The following ADGRB1 variants were observed in gnomAD, a reference collection of about 807,000 sequenced individuals.
ADGRB1 encodes the protein brain-specific angiogenesis inhibitor 1.
In ADGRB1, 36 loss-of-function variants were observed where a neutral mutation model predicts 175.7. That is an observed-to-expected ratio of 0.20 (90% CI 0.16 to 0.27). The LOEUF is 0.27. Ranked by LOEUF, ADGRB1 falls within the 10% of genes least tolerant of loss-of-function variation. The pLI is 1.00. For missense variants in ADGRB1, 1,731 were observed against 2,255.3 expected, an observed-to-expected ratio of 0.77 and a Z score of 4.71; for synonymous variants, 1,054 against 979.4, an observed-to-expected ratio of 1.08 and a Z score of -1.42.
Position 142,449,953 on chromosome 8 carries a change from CCCAGAGCGGGCCGGG to C in ADGRB1, c.-370_-356del, listed in dbSNP as rs1285372921. 6.7e-6 allele frequency: 1 copy of C among 148,192 alleles called. No individual in the cohort carries two copies. The highest frequency in any genetic ancestry group is 2.5e-5 in the African/African-American group (1 of 40,584). The allele number at this position is 148,192 out of a possible 1,614,324, so 9.2% of individuals were successfully genotyped here. ...CTCTCCAGGGGGCGTCCCGGCGAGG[CCCAGAGCGGGCCGGG>C]GGCGGCGGCGGCTGGAGGAGCCCCC... On this transcript the variant is annotated 5_prime_UTR_variant, in exon 1 of 31. Coordinates refer to ENST00000517894, the MANE Select transcript of ADGRB1 (RefSeq NM_001702.3).
At chr8:142,534,800 C>T (rs749845909) in intron 25 of ADGRB1, among the ~76,000 whole-genome samples, 2 of 152,216 alleles carry the variant, frequency 1.3e-5, no homozygotes, top group African/African-American at 2.4e-5. Context: ...TGGGAGAAGC[C>T]GCTCACCCTG....
chr8:142,475,453 C>T, intron 2 of ADGRB1, 21 bp from the exon 3 acceptor site: 3 of 1,285,300 alleles, frequency 2.3e-6, no homozygotes, highest in Non-Finnish European at 3.0e-6. Flanking sequence ...CCCTGATCCC[C>T]GCCCTCTGGT....
chr8:142,501,116 T>C (rs1445680546), intron 17 of ADGRB1, among the ~76,000 whole-genome samples: 3 of 152,154 alleles, frequency 2.0e-5, no homozygotes, highest in African/African-American at 4.8e-5. Context: ...GATGGCAGTG[T>C]TGGAGACGAG....
At chr8:142,479,579 G>T (rs1841216382) in intron 8 of ADGRB1, 92 bp downstream of exon 8, 2 of 1,525,876 alleles carry the variant, frequency 1.3e-6, no homozygotes, top group Non-Finnish European at 1.8e-6. Flanking sequence ...GGTGTGTTGG[G>T]GGCTCCCGTC....
intron 2 of ADGRB1, among the ~76,000 whole-genome samples, chr8:142,469,164 T>A (rs796108245): frequency 6.6e-5 from 9 of 137,214 alleles, no homozygotes; most frequent in East Asian, 2.3e-4. Context: ...TGCATGTGTG[T>A]GTGTGTGCAT....
In ADGRB1 at chr8:142,542,540, C is replaced by G; in HGVS notation, c.4306C>G (p.Pro1436Ala). 1 of 1,505,594 alleles carries G rather than the reference C, an allele frequency of 6.6e-7. No homozygotes were observed. Among genetic ancestry groups the G allele is most frequent in the Non-Finnish European group, 8.9e-7 (1 of 1,127,096 alleles). The allele number at this position is 1,505,594 out of a possible 1,614,324, so 93.3% of individuals were successfully genotyped here. A position where few individuals can be genotyped will look rare whatever the true frequency, so the allele number is the denominator to read the frequency against. Residue 1436 changes from proline to alanine, a missense_variant, in exon 28 of 31, where the codon CCC becomes GCC. By Grantham distance (27) the Pro-to-Ala change is conservative. Around this residue, in one of 8 missense-constraint regions of ADGRB1, gnomAD observed 394 missense variants for 410.2 expected, o/e 0.96. Coordinates refer to ENST00000517894, the MANE Select transcript of ADGRB1 (RefSeq NM_001702.3). The surrounding 1 kb of genome is among the most constrained non-coding windows in gnomAD (Gnocchi z 6.3). ...LPPPPNLEPAPPSLGDPGEPA... is the reference protein window; with the variant it reads ...LPPPPNLEPAAPSLGDPGEPA... ...CCCACCGCCCAATCTGGAGCCGGCA[C>G]CCCCCAGCCTGGGGGATCCCGGGGA... is the stretch of plus-strand genomic sequence containing the variant.
chr8:142,498,123 G>A (rs576843516), intron 17 of ADGRB1, among the ~76,000 whole-genome samples: 7 of 152,198 alleles, frequency 4.6e-5, no homozygotes, highest in Non-Finnish European at 2.9e-5. Flanking sequence ...TCTTCTCCAC[G>A]TGCTCCAGGC....
intron 1 of ADGRB1, among the ~76,000 whole-genome samples, chr8:142,460,083 G>A (rs1022755905): frequency 1.3e-5 from 2 of 152,262 alleles, no homozygotes; most frequent in East Asian, 3.9e-4. Flanking sequence ...GCGTGGGGGG[G>A]ACAGGAGCCT....
intron 16 of ADGRB1, among the ~76,000 whole-genome samples, chr8:142,489,883 C>T (rs2131879497): frequency 6.6e-6 from 1 of 152,344 alleles, no homozygotes; most frequent in African/African-American, 2.4e-5. Flanking sequence ...CCCCCCAGAA[C>T]TCCCTGGCGG....
intron 14 of ADGRB1, 102 bp from the exon 15 acceptor site, chr8:142,488,933 T>G (rs1841843576): frequency 1.4e-6 from 2 of 1,382,228 alleles, no homozygotes; most frequent in Non-Finnish European, 2.0e-6. Flanking sequence ...ACCTTGAAGA[T>G]GGGCGGCAGA....
chr8:142,510,916 T>TACC lies in ADGRB1; in HGVS notation c.2676-16_2676-15insACC. 1.0e-6 allele frequency: 1 copy of TACC among 969,736 alleles called. No homozygotes were observed. Among genetic ancestry groups the TACC allele is most frequent in the Non-Finnish European group, 1.3e-6 (1 of 789,296 alleles). The allele number at this position is 969,736 out of a possible 1,614,324, so 60.1% of individuals were successfully genotyped here. On this transcript the variant is annotated splice_polypyrimidine_tract_variant and intron_variant, in intron 17 of 30. Transcript: ENST00000517894. The surrounding 1 kb of genome is among the most constrained non-coding windows in gnomAD (Gnocchi z 6.3). Reference sequence around the variant, plus strand: ...ACGCTCCGCCTGTCTCCCTCCCGTGTCCCGCCCGCCCCCAGACCCTCCTCC... The same window carrying TACC: ...ACGCTCCGCCTGTCTCCCTCCCGTGTACCCCCGCCCGCCCCCAGACCCTCCTCC...
At chr8:142,469,869 G>C (rs983384293) in intron 2 of ADGRB1, among the ~76,000 whole-genome samples, 2 of 152,236 alleles carry the variant, frequency 1.3e-5, no homozygotes, top group Non-Finnish European at 2.9e-5. Flanking sequence ...CAGCTGAGCA[G>C]AGGCAGAGTT....
At chr8:142,454,813 G>C (rs1288596390) in intron 1 of ADGRB1, among the ~76,000 whole-genome samples, 1 of 151,920 alleles carries the variant, frequency 6.6e-6, no homozygotes, top group Middle Eastern at 3.2e-3. Context: ...ACTCATTTCT[G>C]TTAATTGAGG....
chr8:142,518,349 C>A, intron 19 of ADGRB1, 108 bp downstream of exon 19: 1 of 1,147,826 alleles, frequency 8.7e-7, no homozygotes, highest in Non-Finnish European at 1.3e-6. Flanking sequence ...CTCCATTTGT[C>A]CTCACGTTCC....
intron 21 of ADGRB1, 97 bp downstream of exon 21, chr8:142,522,212 A>C (rs988431575): frequency 1.3e-6 from 2 of 1,483,924 alleles, no homozygotes; most frequent in African/African-American, 2.8e-5. Flanking sequence ...TCCCCTGTGG[A>C]CCCCTGGGGC....
intron 7 of ADGRB1, 153 bp from the exon 8 acceptor site, chr8:142,479,170 C>T: frequency 1.2e-6 from 1 of 850,076 alleles, no homozygotes; most frequent in Non-Finnish European, 1.6e-6. Context: ...CTGAATTTCC[C>T]TTCTTTGACC....
rs1415540602 is a variant in ADGRB1, at chr8:142,464,678, C to G, written c.480C>G (p.Ala160=). The change falls in exon 2 of 31, where the codon GCC becomes GCG. Residue 160 remains alanine (A), a synonymous_variant. Transcript: ENST00000517894. ...PPQHDGLRPR[A]GPPGPTDDFS... is the part of the protein sequence containing the mutation. ...AGCACGACGGGCTCCGGCCCCGGGC[C>G]GGGCCGCCGGGCCCCACCGACGACT... 6 of 1,524,696 alleles carry G rather than the reference C, an allele frequency of 3.9e-6. No homozygotes were observed. The East Asian group carries it at 1.0e-4, about 26-fold the overall frequency. 94.4% of individuals were successfully genotyped at this position (1,524,696 alleles called of 1,614,324 possible).
At chr8:142,535,550 G>A (rs923458430) in intron 25 of ADGRB1, among the ~76,000 whole-genome samples, 7 of 152,202 alleles carry the variant, frequency 4.6e-5, no homozygotes, top group Non-Finnish European at 8.8e-5. Context: ...GGCCAGGGCT[G>A]CAGAGCATGC....
At chr8:142,528,573 G>A (rs910678309) in intron 24 of ADGRB1, among the ~76,000 whole-genome samples, 1 of 151,852 alleles carries the variant, frequency 6.6e-6, no homozygotes, top group African/African-American at 2.4e-5. Flanking sequence ...CCTCGGGCGC[G>A]CCCTCAAGTG....
Sources: allele counts gnomAD v4.1 joint callset (sites outside exome capture counted in the v4.1 genomes callset), GRCh38; gene constraint gnomAD v4.1.1; regional missense constraint gnomAD v4.1.1; non-coding constraint Gnocchi (gnomAD v3.1); transcripts MANE v1.5; gene names NCBI Gene and HGNC (gene_info 2026-07-23, HGNC 2026-07-21).